Variants in MTA3 observed in about 807,000 individuals in gnomAD.
MTA3 encodes the protein metastasis-associated protein MTA3.
A neutral mutation model predicts 83.5 loss-of-function variants in MTA3; 34 were observed. The ratio of observed to expected loss-of-function variants is 0.41; its 90% CI spans 0.31 to 0.54. MTA3 has a LOEUF of 0.54. Ranked by LOEUF, MTA3 falls within the 20% of genes least tolerant of loss-of-function variation. The pLI is 0.33. For synonymous variants in MTA3, 303 were observed against 252.7 expected (o/e 1.20, Z -1.89); for missense variants, 761 against 726.4 (o/e 1.05, Z -0.55).
intron 8 of MTA3, among the ~76,000 whole-genome samples, chr2:42,667,574 G>GTGTGTGTGTGTGTGTGTGTGTT (rs1558562147): frequency 1.7e-3 from 208 of 121,252 alleles, no homozygotes; most frequent in East Asian, 3.6e-3. Context: ...TAAAAATTGT[G>GTGTGTGTGTGTGTGTGTGTGTT]TGTGTGTGTG....
intron 2 of MTA3, among the ~76,000 whole-genome samples, chr2:42,558,396 A>G (rs886838636): frequency 2.0e-5 from 3 of 151,664 alleles, no homozygotes; most frequent in African/African-American, 7.3e-5. Flanking sequence ...GACTAAAGGC[A>G]TGTGCCACCA....
intron 8 of MTA3, among the ~76,000 whole-genome samples, chr2:42,675,222 G>A (rs930305404): frequency 6.6e-6 from 1 of 151,224 alleles, no homozygotes; most frequent in Non-Finnish European, 1.5e-5. Context: ...TGCAACAGCC[G>A]CCTCCTGAGT....
chr2:42,502,484 G>A (rs1406621858), intron 2 of MTA3, among the ~76,000 whole-genome samples: 1 of 152,100 alleles, frequency 6.6e-6, no homozygotes, highest in Non-Finnish European at 1.5e-5. Context: ...AATTTCCTTA[G>A]CTATTATTGT....
At chr2:42,700,808 A>G in intron 11 of MTA3, among the ~76,000 whole-genome samples, 1 of 152,230 alleles carries the variant, frequency 6.6e-6, no homozygotes, top group Non-Finnish European at 1.5e-5. Flanking sequence ...CTGATTTAAA[A>G]TATGTTTTAG....
chr2:42,509,165 C>A (rs903365818), intron 2 of MTA3, among the ~76,000 whole-genome samples: 10 of 151,972 alleles, frequency 6.6e-5, no homozygotes, highest in South Asian at 2.1e-4. Flanking sequence ...GCCTCAGCCT[C>A]CCAAGTAGCT....
At chr2:42,534,768 C>G (rs2103730986) in intron 2 of MTA3, among the ~76,000 whole-genome samples, 1 of 152,228 alleles carries the variant, frequency 6.6e-6, no homozygotes, top group South Asian at 2.1e-4. Context: ...TTATATGCCA[C>G]TGAACCTAAC....
At chr2:42,694,314 A>C (rs1183755942) in intron 9 of MTA3, among the ~76,000 whole-genome samples, 1 of 152,084 alleles carries the variant, frequency 6.6e-6, no homozygotes, top group East Asian at 1.9e-4. Context: ...AGTCCAGCCC[A>C]GCACTAGGAG....
At position 42,748,195 on chromosome 2, in the gene MTA3, ATGTGTTTGTGTG is replaced by A. The variant is rs1203174409; in HGVS notation, c.1760-5173_1760-5162del. Reference sequence around the variant, plus strand: ...AGGCATGTGCCATCACATCCAGCTAATGTGTTTGTGTGTGTGTGTGTGTGTGTGTGTGTGTGT... The same window carrying A: ...AGGCATGTGCCATCACATCCAGCTAATGTGTGTGTGTGTGTGTGTGTGTGT... On this transcript the variant is annotated intron_variant, in intron 16 of 16. Transcript: ENST00000405094. Among the ~76,000 whole-genome samples the A allele has an allele frequency of 4.5e-4, 26 of 57,594 alleles. No individual in the cohort carries two copies. The South Asian group carries it at 5.7e-3, about 13-fold the overall frequency. The allele number at this position is 57,594 out of a possible 152,430, so 37.8% of individuals were successfully genotyped here.
intron 2 of MTA3, among the ~76,000 whole-genome samples, chr2:42,501,655 C>G: frequency 6.6e-6 from 1 of 152,164 alleles, no homozygotes; most frequent in South Asian, 2.1e-4. Context: ...GAGTGCCAAG[C>G]AAGGAGAATC....
Position 42,706,962 on chromosome 2 carries a change from C to T in MTA3, c.1151-941C>T, listed in dbSNP as rs143650656. 5.4e-3 allele frequency among the ~76,000 whole-genome samples: 821 copies of T among 152,112 alleles called. 6 individuals are homozygous for T. The highest frequency in any genetic ancestry group is 0.01 in the Middle Eastern group (3 of 294). On this transcript the variant is annotated intron_variant, in intron 12 of 16. Coordinates refer to ENST00000405094, the MANE Select transcript of MTA3 (RefSeq NM_001330442.2). ...TGTTTCTTCTCTCCTCCCCTACTCC[C>T]TCCCTCTTCCCCTCCCCAGCCCCCT...
chr2:42,674,244 C>T (rs377392260), intron 8 of MTA3, among the ~76,000 whole-genome samples: 1 of 152,242 alleles, frequency 6.6e-6, no homozygotes, highest in Non-Finnish European at 1.5e-5. Context: ...TGGAAGAATA[C>T]TCTCCTGTGG....
chr2:42,577,123 TATATATATATAA>T (rs1373509672), intron 2 of MTA3, among the ~76,000 whole-genome samples: 1 of 112,538 alleles, frequency 8.9e-6, no homozygotes, highest in African/African-American at 3.6e-5. Context: ...TATATATATA[TATATATATATAA>T]AAATGAACTC....
At chr2:42,525,110 C>T (rs982869939) in intron 2 of MTA3, among the ~76,000 whole-genome samples, 2 of 146,680 alleles carry the variant, frequency 1.4e-5, no homozygotes, top group African/African-American at 4.9e-5. Context: ...CCTCCCCCCT[C>T]CCCCACCTGT....
At chr2:42,611,990 A>G (rs1684280378) in intron 4 of MTA3, among the ~76,000 whole-genome samples, 1 of 152,154 alleles carries the variant, frequency 6.6e-6, no homozygotes, top group Admixed American at 6.6e-5. Context: ...ATTAGGGGGC[A>G]CTATGGTTAG....
chr2:42,565,424 TC>T (rs1466063482), upstream of MTA3, among the ~76,000 whole-genome samples: 1 of 151,268 alleles, frequency 6.6e-6, no homozygotes, highest in Non-Finnish European at 1.5e-5. Flanking sequence ...TGCCTTGGCC[TC>T]CCAAAATGCT....
intron 8 of MTA3, among the ~76,000 whole-genome samples, chr2:42,667,160 C>T (rs1690301426): frequency 6.6e-6 from 1 of 152,120 alleles, no homozygotes; most frequent in Admixed American, 6.5e-5. Flanking sequence ...CCTCTTGCAT[C>T]AGCCTCCCGA....
chr2:42,521,546 A>G (rs1675430302), intron 2 of MTA3, among the ~76,000 whole-genome samples: 1 of 152,152 alleles, frequency 6.6e-6, no homozygotes, highest in Non-Finnish European at 1.5e-5. Flanking sequence ...TGGGCAACTC[A>G]AACTAGTTGT....
intron 3 of MTA3, among the ~76,000 whole-genome samples, chr2:42,586,125 A>G (rs1276464129): frequency 6.6e-6 from 1 of 151,912 alleles, no homozygotes; most frequent in Non-Finnish European, 1.5e-5. Context: ...TAAGAATGCA[A>G]AATTAACTGG....
intron 2 of MTA3, among the ~76,000 whole-genome samples, chr2:42,513,228 G>A (rs1157699260): frequency 1.3e-5 from 2 of 152,204 alleles, no homozygotes; most frequent in African/African-American, 4.8e-5. Flanking sequence ...TTAAACTATA[G>A]TGATTTATTC....
Sources: gnomAD v4.1 joint callset for allele counts (sites outside exome capture counted in the v4.1 genomes callset) on GRCh38, gnomAD v4.1.1 for gene constraint, MANE v1.5 for transcripts, NCBI Gene and HGNC (gene_info 2026-07-23, HGNC 2026-07-21) for gene names.